Variants in CSMD1 observed in about 807,000 individuals in gnomAD.
CSMD1 encodes CUB and Sushi multiple domains 1, also known as CUB and sushi domain-containing protein 1.
A neutral mutation model predicts 417.5 loss-of-function variants in CSMD1; 213 were observed. That is an observed-to-expected ratio of 0.51 (90% CI 0.46 to 0.57). The LOEUF is 0.57. CSMD1 is among the 20% of genes least tolerant of loss of function. CSMD1 has a pLI of 0.00. For missense variants in CSMD1, 6,923 were observed against 4,529.7 expected (o/e 1.53, Z -15.17); for synonymous variants, 2,862 against 1,736.8 (o/e 1.65, Z -16.11).
intron 26 of CSMD1, among the ~76,000 whole-genome samples, chr8:3,251,868 CT>C (rs1362703959): frequency 1.3e-5 from 2 of 152,068 alleles, no homozygotes; most frequent in African/African-American, 4.8e-5. Flanking sequence ...CTTTCTTTGT[CT>C]GTTGTTGGTG....
chr8:4,112,958 G>A (rs1042747408), intron 3 of CSMD1, among the ~76,000 whole-genome samples: 1 of 152,092 alleles, frequency 6.6e-6, no homozygotes. Context: ...TTACATTTTG[G>A]TAATTCTTTC....
chr8:3,072,892 A>G (rs942526991), intron 49 of CSMD1, among the ~76,000 whole-genome samples: 1 of 152,172 alleles, frequency 6.6e-6, no homozygotes, highest in Admixed American at 6.5e-5. Flanking sequence ...ATTCAGAGTA[A>G]TGCAAAACCC....
At chr8:3,689,038 C>T (rs1800094428) in intron 7 of CSMD1, among the ~76,000 whole-genome samples, 1 of 152,146 alleles carries the variant, frequency 6.6e-6, no homozygotes, top group Non-Finnish European at 1.5e-5. Flanking sequence ...AAGCAGGAAT[C>T]TAAGGGTCAT....
intron 3 of CSMD1, among the ~76,000 whole-genome samples, chr8:4,220,685 G>C (rs1036883740): frequency 1.3e-5 from 2 of 152,182 alleles, no homozygotes; most frequent in Non-Finnish European, 2.9e-5. Flanking sequence ...GGAAAGGGAA[G>C]ATCAAGAACA....
At chr8:4,049,845 A>G (rs2740892) in intron 3 of CSMD1, among the ~76,000 whole-genome samples, 138,348 of 152,220 alleles carry the variant, frequency 0.91, 63,097 homozygotes, top group East Asian at 0.99. Flanking sequence ...ATATTGGCAT[A>G]TTCTTCTTCA....
intron 1 of CSMD1, among the ~76,000 whole-genome samples, chr8:4,842,620 G>C (rs1241078857): frequency 6.6e-6 from 1 of 152,184 alleles, no homozygotes; most frequent in Non-Finnish European, 1.5e-5. Context: ...GTGCCTATGT[G>C]CAAAACCACA....
At chr8:3,693,697 C>T (rs555886220) in intron 7 of CSMD1, among the ~76,000 whole-genome samples, 3 of 151,974 alleles carry the variant, frequency 2.0e-5, no homozygotes, top group South Asian at 2.1e-4. Flanking sequence ...TGAAACAGAA[C>T]GGGAATTAGA....
chr8:3,495,280 A>C (rs560034568), intron 10 of CSMD1, among the ~76,000 whole-genome samples: 1 of 152,196 alleles, frequency 6.6e-6, no homozygotes, highest in African/African-American at 2.4e-5. Context: ...TGAAAGAATC[A>C]TCACTGAGAC....
chr8:3,223,698 C>G lies in CSMD1; in HGVS notation c.4484+31G>C, dbSNP rs748134371. 2.4e-5 allele frequency: 39 copies of G among 1,609,444 alleles called. No individual in the cohort carries two copies. In the African/African-American group the frequency reaches 5.1e-4, roughly 21 times the overall value. On this transcript the variant is annotated intron_variant, in intron 28 of 69. Transcript: ENST00000635120. Reference sequence around the variant, plus strand: ...TTTAGGTATGGAATTAAAAATCCTACTAAAAAGAGGTATTCTGCAAGAGAC... The same window carrying G: ...TTTAGGTATGGAATTAAAAATCCTAGTAAAAAGAGGTATTCTGCAAGAGAC...
chr8:4,315,844 T>C (rs1798892486), intron 3 of CSMD1, among the ~76,000 whole-genome samples: 2 of 152,200 alleles, frequency 1.3e-5, no homozygotes, highest in African/African-American at 4.8e-5. Flanking sequence ...AAAAATTTGT[T>C]TCATATTATA....
At chr8:4,972,030 A>G (rs77246766) in intron 1 of CSMD1, among the ~76,000 whole-genome samples, 3,769 of 152,176 alleles carry the variant, frequency 0.025, 143 homozygotes, top group African/African-American at 0.086. Context: ...AAAGTCTTAA[A>G]GAAGTTTAGG....
chr8:3,856,339 A>G (rs1563149338), intron 5 of CSMD1, among the ~76,000 whole-genome samples: 2 of 152,116 alleles, frequency 1.3e-5, no homozygotes, highest in Admixed American at 1.3e-4. Flanking sequence ...AGAAGCTGCT[A>G]TGCTTCCTGT....
intron 26 of CSMD1, among the ~76,000 whole-genome samples, chr8:3,250,212 C>A (rs1200419594): frequency 1.3e-5 from 2 of 152,144 alleles, no homozygotes; most frequent in Non-Finnish European, 2.9e-5. Context: ...TCCCTGATCC[C>A]CCCACCCCAC....
At chr8:3,838,176 A>T (rs1183659708) in intron 5 of CSMD1, among the ~76,000 whole-genome samples, 1 of 152,116 alleles carries the variant, frequency 6.6e-6, no homozygotes, top group African/African-American at 2.4e-5. Context: ...CAAATGAATC[A>T]GACACAGACC....
intron 42 of CSMD1, chr8:3,113,296 G>A (rs1021656181): frequency 1.3e-5 from 2 of 152,212 alleles, no homozygotes; most frequent in South Asian, 2.1e-4. Context: ...GGATAGAGAG[G>A]CTACACTCCC....
intron 3 of CSMD1, among the ~76,000 whole-genome samples, chr8:4,049,440 C>T (rs1798310491): frequency 1.3e-5 from 2 of 151,534 alleles, no homozygotes; most frequent in Admixed American, 6.6e-5. Flanking sequence ...AAAACTACTG[C>T]CTACGAGATG....
chr8:4,670,092 C>G (rs1481760319), intron 1 of CSMD1, among the ~76,000 whole-genome samples: 1 of 152,170 alleles, frequency 6.6e-6, no homozygotes, highest in Non-Finnish European at 1.5e-5. Flanking sequence ...CCCACGTCCA[C>G]AAGTGTAAGA....
At chr8:3,821,069 A>C (rs1801710090) in intron 5 of CSMD1, among the ~76,000 whole-genome samples, 2 of 151,768 alleles carry the variant, frequency 1.3e-5, no homozygotes, top group Admixed American at 1.3e-4. Context: ...GGTGTGTGCC[A>C]CCACACCTGG....
In CSMD1 at chr8:3,298,982, C is replaced by T. The variant is rs192993002; in HGVS notation, c.3950+8713G>A. ...TGAGAAGCTTACACAGAAAAACAAACATGCACCCTGGTACCATGGAGTTTT... is the reference window on the plus strand; with the variant it reads ...TGAGAAGCTTACACAGAAAAACAAATATGCACCCTGGTACCATGGAGTTTT... On this transcript the variant is annotated intron_variant, in intron 25 of 69. Transcript: ENST00000635120. Among the ~76,000 whole-genome samples, 204 of 152,278 alleles carry T rather than the reference C, an allele frequency of 1.3e-3. 1 individual carries two copies. Among genetic ancestry groups the T allele is most frequent in the African/African-American group, 4.3e-3 (177 of 41,560 alleles).
Sources: gnomAD v4.1 joint callset for allele counts (sites outside exome capture counted in the v4.1 genomes callset) on GRCh38, gnomAD v4.1.1 for gene constraint, MANE v1.5 for transcripts, NCBI Gene and HGNC (gene_info 2026-07-23, HGNC 2026-07-21) for gene names.